ADD3: variants seen among roughly 807,000 people sequenced by gnomAD.
The protein encoded by ADD3 is gamma-adducin.
In ADD3, 25 loss-of-function variants were observed where a neutral mutation model predicts 80.2. That is an observed-to-expected ratio of 0.31 (90% confidence interval 0.23 to 0.44). ADD3 has a LOEUF of 0.44. ADD3 is among the 20% of genes least tolerant of loss of function. The pLI is 1.00. For synonymous variants in ADD3, 284 were observed against 289.6 expected, an observed-to-expected ratio of 0.98 and a Z score of 0.20; for missense variants, 829 against 847.5, an observed-to-expected ratio of 0.98 and a Z score of 0.27.
At chr10:110,015,233 G>T (rs1373865714) in intron 1 of ADD3, among the ~76,000 whole-genome samples, 1 of 152,036 alleles carries the variant, frequency 6.6e-6, no homozygotes, top group Non-Finnish European at 1.5e-5. Context: ...AAATAGAAGT[G>T]TGACAAACCT....
chr10:109,999,306 G>A (rs1482216347), intron 1 of ADD3, among the ~76,000 whole-genome samples: 1 of 152,172 alleles, frequency 6.6e-6, no homozygotes, highest in East Asian at 1.9e-4. Flanking sequence ...TTCATAATGA[G>A]CTTGACCCTG....
intron 1 of ADD3, among the ~76,000 whole-genome samples, chr10:110,082,062 C>T (rs1453038237): frequency 6.6e-6 from 1 of 152,136 alleles, no homozygotes; most frequent in African/African-American, 2.4e-5. Flanking sequence ...GCTTTGGAGC[C>T]CAGCATTTGG....
chr10:110,044,812 A>G (rs1156664938), intron 1 of ADD3, among the ~76,000 whole-genome samples: 1 of 152,246 alleles, frequency 6.6e-6, no homozygotes, highest in African/African-American at 2.4e-5. Flanking sequence ...GTATGACCTT[A>G]TCAAATGCTG....
chr10:110,133,642 T>C lies in ADD3; in HGVS notation c.*24T>C, dbSNP rs753264076. ...AAATAAAGTCTTTTTATAATTATTA[T>C]TATAACAATGTGACATTGCACATCT... On this transcript the variant is annotated 3_prime_UTR_variant, in exon 15 of 15. Coordinates refer to ENST00000356080, the MANE Select transcript of ADD3 (RefSeq NM_016824.5). 15 of 1,516,134 alleles carry C rather than the reference T, an allele frequency of 9.9e-6. No individual in the cohort carries two copies. The South Asian group carries it at 1.5e-4, about 16-fold the overall frequency. The allele number at this position is 1,516,134 out of a possible 1,614,324, so 93.9% of individuals were successfully genotyped here.
chr10:110,132,563 G>A (rs887956156), intron 14 of ADD3, 163 bp downstream of exon 14: 13 of 571,630 alleles, frequency 2.3e-5, no homozygotes, highest in Non-Finnish European at 3.4e-5. Flanking sequence ...TTAAAAATGG[G>A]GCGCTACTTT....
At chr10:110,042,922 C>T (rs1326401938) in intron 1 of ADD3, among the ~76,000 whole-genome samples, 1 of 152,018 alleles carries the variant, frequency 6.6e-6, no homozygotes, top group African/African-American at 2.4e-5. Context: ...GAGGGGAAAA[C>T]ATAGAATGCA....
chr10:110,100,945 G>C, intron 2 of ADD3, 97 bp downstream of exon 2: 1 of 1,129,690 alleles, frequency 8.9e-7, no homozygotes, highest in Non-Finnish European at 1.2e-6. Context: ...GTTAAAAGAG[G>C]GGTGGAGGAG....
At chr10:110,055,729 A>G (rs12250474) in intron 1 of ADD3, among the ~76,000 whole-genome samples, 19,040 of 152,118 alleles carry the variant, frequency 0.13, 3,810 homozygotes, top group African/African-American at 0.43. Flanking sequence ...TAAGCCACAA[A>G]ATGGATCTTA....
intron 1 of ADD3, among the ~76,000 whole-genome samples, chr10:110,050,455 C>A (rs935175606): frequency 6.6e-6 from 1 of 151,436 alleles, no homozygotes; most frequent in Non-Finnish European, 1.5e-5. Context: ...TGCCTTCCAC[C>A]GTGATTGTGA....
Position 110,118,560 on chromosome 10 carries a change from T to G in ADD3, c.568-27T>G, listed in dbSNP as rs374443376. 9 of 1,606,822 alleles carry G rather than the reference T, an allele frequency of 5.6e-6. No homozygotes were observed. The African/African-American group carries it at 1.2e-4, about 21-fold the overall frequency. ...CAAACTTTGATACGTATATACCAGT[T>G]AAATATGTCCTTCTGATTTTTTCCA... On this transcript the variant is annotated intron_variant, in intron 5 of 14. Transcript: ENST00000356080.
At chr10:110,101,044 G>A (rs1473272016) in intron 2 of ADD3, among the ~76,000 whole-genome samples, 196 bp downstream of exon 2, 6 of 152,152 alleles carry the variant, frequency 3.9e-5, no homozygotes, top group Non-Finnish European at 8.8e-5. Context: ...TGACAACCTA[G>A]TATTGTGTTT....
intron 2 of ADD3, chr10:110,106,180 A>G (rs1849376274): frequency 6.6e-6 from 1 of 150,652 alleles, no homozygotes. Context: ...TTTCCTCTCT[A>G]GTAATTTTGA....
upstream of ADD3, among the ~76,000 whole-genome samples, chr10:110,001,749 C>T (rs1201424942): frequency 6.6e-6 from 1 of 152,004 alleles, no homozygotes; most frequent in Non-Finnish European, 1.5e-5. Context: ...GGAGTAGAGC[C>T]TATGAATTAG....
intron 1 of ADD3, among the ~76,000 whole-genome samples, chr10:110,025,007 C>T (rs1056599619): frequency 2.6e-5 from 4 of 151,464 alleles, no homozygotes; most frequent in East Asian, 1.9e-4. Context: ...GGTTCTTGTG[C>T]CTCAGCCTCC....
intron 1 of ADD3, among the ~76,000 whole-genome samples, chr10:110,031,305 GCTA>G (rs1294206393): frequency 1.3e-5 from 2 of 152,130 alleles, no homozygotes; most frequent in African/African-American, 4.8e-5. Context: ...TAAATTTATG[GCTA>G]CTATCCATTG....
chr10:110,113,637 G>T (rs574841174), intron 3 of ADD3, among the ~76,000 whole-genome samples: 2 of 152,218 alleles, frequency 1.3e-5, no homozygotes, highest in Non-Finnish European at 2.9e-5. Context: ...TATCACAGTT[G>T]GATTTGGAAG....
intron 1 of ADD3, among the ~76,000 whole-genome samples, chr10:110,062,859 T>G (rs929408019): frequency 2.6e-5 from 4 of 152,190 alleles, no homozygotes; most frequent in African/African-American, 9.6e-5. Flanking sequence ...ATAAAATTTC[T>G]ATTACACTGA....
chr10:110,019,052 C>G (rs561160829), intron 1 of ADD3, among the ~76,000 whole-genome samples: 1 of 152,148 alleles, frequency 6.6e-6, no homozygotes, highest in East Asian at 1.9e-4. Flanking sequence ...AAGAGATGTA[C>G]GATTTTAAAA....
At chr10:110,001,747 G>A (rs1370894372), upstream of ADD3, among the ~76,000 whole-genome samples, 1 of 152,044 alleles carries the variant, frequency 6.6e-6, no homozygotes, top group East Asian at 1.9e-4. Context: ...TTGGAGTAGA[G>A]CCTATGAATT....
Sources: allele counts gnomAD v4.1 joint callset (sites outside exome capture counted in the v4.1 genomes callset), GRCh38; gene constraint gnomAD v4.1.1; transcripts MANE v1.5; gene names NCBI Gene and HGNC (gene_info 2026-07-23, HGNC 2026-07-21).